Variants in ADAM22 observed in about 807,000 individuals in gnomAD.
ADAM22 encodes the protein disintegrin and metalloproteinase domain-containing protein 22.
ADAM22 carries 65 observed loss-of-function variants against 144.6 expected under a neutral mutation model. The observed-to-expected ratio is 0.45, with a 90% CI of 0.37 to 0.55. ADAM22 has a LOEUF of 0.55. ADAM22 is among the 20% of genes least tolerant of loss of function. The pLI, the probability that ADAM22 is intolerant of heterozygous loss-of-function variation, is 0.00. For missense variants in ADAM22, 974 were observed against 1,184.9 expected, an observed-to-expected ratio of 0.82 and a Z score of 2.61; for synonymous variants, 391 against 412.6, an observed-to-expected ratio of 0.95 and a Z score of 0.63.
intron 2 of ADAM22, among the ~76,000 whole-genome samples, chr7:87,968,310 G>A (rs1273506072): frequency 6.6e-6 from 1 of 152,162 alleles, no homozygotes; most frequent in Non-Finnish European, 1.5e-5. Flanking sequence ...TGATGCCTGG[G>A]ATCCACTGCA....
chr7:88,057,993 C>A (rs1178693123), intron 3 of ADAM22, among the ~76,000 whole-genome samples: 5 of 152,146 alleles, frequency 3.3e-5, no homozygotes, highest in Non-Finnish European at 7.4e-5. Flanking sequence ...TTAAAAATGA[C>A]CCACATTTTC....
In ADAM22 at chr7:88,114,634, A is replaced by G; in HGVS notation, c.524A>G (p.Asn175Ser). 2 of 1,613,946 alleles carry G rather than the reference A, an allele frequency of 1.2e-6. No individual in the cohort carries two copies. Among genetic ancestry groups the G allele is most frequent in the Non-Finnish European group, 1.7e-6 (2 of 1,179,882 alleles). ...ACATATCTCATTGAGCCAGAAGAAA[A>G]TGACACTACTCAAGTAAGTGCTCCT... is the stretch of plus-strand genomic sequence containing the variant. The part of the protein sequence containing the change: ...NHTYLIEPEE[N>S]DTTQEDFHFH... The change falls in exon 6 of 32, where the codon AAT becomes AGT. Residue 175 changes from asparagine (N) to serine (S), a missense_variant. Physicochemically the swap from Asn to Ser is conservative, Grantham distance 46 (BLOSUM62 1). Around this residue, in one of 2 missense-constraint regions of ADAM22, gnomAD observed 240 missense variants for 234.3 expected, o/e 1.02. Transcript: ENST00000413139.
At chr7:88,017,691 A>G (rs1288528791) in intron 3 of ADAM22, among the ~76,000 whole-genome samples, 1 of 152,028 alleles carries the variant, frequency 6.6e-6, no homozygotes, top group East Asian at 1.9e-4. Flanking sequence ...CCTAGTTTCT[A>G]CGTCCATCTC....
chr7:88,138,856 A>T (rs1331478146), intron 14 of ADAM22, among the ~76,000 whole-genome samples: 2 of 152,144 alleles, frequency 1.3e-5, no homozygotes, highest in African/African-American at 4.8e-5. Context: ...ACAATCCACA[A>T]ATGTTCAACT....
chr7:88,124,694 C>A (rs1484876890), intron 7 of ADAM22, among the ~76,000 whole-genome samples: 6 of 151,870 alleles, frequency 4.0e-5, no homozygotes, highest in Non-Finnish European at 8.8e-5. Flanking sequence ...CTCAACAAAT[C>A]CCTTGTATGC....
chr7:88,197,310 T>C lies in ADAM22; in HGVS notation c.*819T>C, dbSNP rs2129541864. The C allele has an allele frequency of 6.6e-6, 1 of 152,360 alleles. No individual in the cohort carries two copies. Among genetic ancestry groups the C allele is most frequent in the South Asian group, 2.1e-4 (1 of 4,826 alleles). The allele number at this position is 152,360 out of a possible 1,614,324, so 9.4% of individuals were successfully genotyped here. On this transcript the variant is annotated 3_prime_UTR_variant, in exon 32 of 32. Transcript: ENST00000413139. The stretch of plus-strand genomic sequence containing the variant: ...ATTCGTATTTGTCCAAAACATGTGA[T>C]ATCCCTTTAACCTGTGCACAGTCTG...
chr7:88,008,891 TATAATA>T (rs139336031), intron 3 of ADAM22, among the ~76,000 whole-genome samples: 61,106 of 146,698 alleles, frequency 0.42, 13,451 homozygotes, highest in East Asian at 0.63. Context: ...AAACTTAAAG[TATAATA>T]ATAATAATAA....
At chr7:88,057,908 A>T (rs1345076146) in intron 3 of ADAM22, among the ~76,000 whole-genome samples, 1 of 152,140 alleles carries the variant, frequency 6.6e-6, no homozygotes, top group Non-Finnish European at 1.5e-5. Flanking sequence ...CCATTACTTA[A>T]ATTTCCCTGG....
At chr7:88,143,274 CA>C (rs1254716829) in intron 15 of ADAM22, 149 bp downstream of exon 15, 39 of 473,736 alleles carry the variant, frequency 8.2e-5, no homozygotes, top group African/African-American at 7.3e-4. Flanking sequence ...TCTGCATATT[CA>C]AAGTCAGCTT....
intron 3 of ADAM22, among the ~76,000 whole-genome samples, chr7:88,010,868 G>A (rs1474224361): frequency 2.0e-5 from 3 of 152,188 alleles, no homozygotes; most frequent in Non-Finnish European, 4.4e-5. Flanking sequence ...CCTACTGTGT[G>A]GGGTGCCACT....
chr7:88,021,166 G>T (rs1797741115), intron 3 of ADAM22, among the ~76,000 whole-genome samples: 1 of 152,162 alleles, frequency 6.6e-6, no homozygotes. Context: ...TCAGCCTCTT[G>T]GGGCACAGGG....
At chr7:87,964,415 G>T (rs190107110) in intron 2 of ADAM22, among the ~76,000 whole-genome samples, 2 of 152,244 alleles carry the variant, frequency 1.3e-5, no homozygotes, top group East Asian at 1.9e-4. Flanking sequence ...CTTTTCTAGG[G>T]AAAGTTTAAT....
chr7:87,945,762 C>T (rs901368874), intron 2 of ADAM22, among the ~76,000 whole-genome samples: 14 of 152,244 alleles, frequency 9.2e-5, no homozygotes, highest in African/African-American at 3.4e-4. Flanking sequence ...ATCCACCCGC[C>T]TCGGCCTCCC....
chr7:87,960,375 G>GGTGTGTGT (rs71120011), intron 2 of ADAM22, among the ~76,000 whole-genome samples: 48 of 149,374 alleles, frequency 3.2e-4, no homozygotes, highest in East Asian at 2.2e-3. Context: ...GTGGTAGTGG[G>GGTGTGTGT]GTGTGTGTGT....
chr7:88,162,097 T>TACACACAC (rs61053925), intron 22 of ADAM22, among the ~76,000 whole-genome samples: 11,060 of 136,688 alleles, frequency 0.081, 697 homozygotes, highest in East Asian at 0.2. Flanking sequence ...AAATGTGTAA[T>TACACACAC]ACACACACAC....
chr7:88,133,763 G>A (rs528308620), intron 12 of ADAM22, among the ~76,000 whole-genome samples: 12 of 152,270 alleles, frequency 7.9e-5, no homozygotes, highest in African/African-American at 2.6e-4. Context: ...AAACCTACTA[G>A]AGATGATCAA....
intron 3 of ADAM22, among the ~76,000 whole-genome samples, chr7:88,053,006 A>C (rs556834631): frequency 2.0e-5 from 3 of 152,300 alleles, no homozygotes; most frequent in African/African-American, 7.2e-5. Flanking sequence ...GGGTATAGGT[A>C]CAGAATTTTA....
intron 3 of ADAM22, among the ~76,000 whole-genome samples, chr7:88,049,693 G>A (rs867763047): frequency 1.8e-4 from 28 of 152,066 alleles, no homozygotes; most frequent in African/African-American, 4.8e-4. Flanking sequence ...AAGTGCACCC[G>A]GCCTACCGTG....
chr7:88,075,526 T>A (rs1814167555), intron 3 of ADAM22, 100 bp from the exon 4 acceptor site: 1 of 990,104 alleles, frequency 1.0e-6, no homozygotes, highest in African/African-American at 1.6e-5. Flanking sequence ...TTGGGGGGCT[T>A]AAAGAATTGT....
Sources: allele counts gnomAD v4.1 joint callset (sites outside exome capture counted in the v4.1 genomes callset), GRCh38; gene constraint gnomAD v4.1.1; regional missense constraint gnomAD v4.1.1; transcripts MANE v1.5; gene names NCBI Gene and HGNC (gene_info 2026-07-23, HGNC 2026-07-21).